CACNB2: variants seen among roughly 807,000 people sequenced by gnomAD.
CACNB2 encodes the protein calcium voltage-gated channel auxiliary subunit beta 2.
A neutral mutation model predicts 73.3 loss-of-function variants in CACNB2; 42 were observed. That is an observed-to-expected ratio of 0.57 (90% CI 0.45 to 0.74). The LOEUF is 0.74. Among genes scored for constraint, CACNB2 ranks in the 30% least tolerant of loss-of-function variants. CACNB2 has a pLI of 0.00. For missense variants in CACNB2, 940 were observed against 853.0 expected, an observed-to-expected ratio of 1.10 and a Z score of -1.27; for synonymous variants, 348 against 310.3, an observed-to-expected ratio of 1.12 and a Z score of -1.28.
intron 2 of CACNB2, among the ~76,000 whole-genome samples, chr10:18,280,982 A>G (rs1418499031): frequency 6.6e-6 from 1 of 152,240 alleles, no homozygotes; most frequent in Non-Finnish European, 1.5e-5. Flanking sequence ...CTGTACACAG[A>G]TTAGGAAACA....
intron 4 of CACNB2, 178 bp downstream of exon 4, chr10:18,498,655 T>C: frequency 1.5e-6 from 1 of 659,576 alleles, no homozygotes; most frequent in Non-Finnish European, 2.6e-6. Context: ...CCTTTTAAAG[T>C]GGAAAGAAGT....
At position 18,513,509 on chromosome 10, in the gene CACNB2, G is replaced by A. The variant is rs1165134759; in HGVS notation, c.671-727G>A. On this transcript the variant is annotated intron_variant, in intron 6 of 13. Transcript: ENST00000324631. ...TCCCTCGTCTCCTTTGCAAAGCTTC[G>A]TGAACCACCACCGCACTGTACGTTC... 5 of 316,954 alleles carry A rather than the reference G, an allele frequency of 1.6e-5. No homozygotes were observed. In the East Asian group the frequency reaches 4.0e-4, roughly 25 times the overall value. The allele number at this position is 316,954 out of a possible 1,614,324, so 19.6% of individuals were successfully genotyped here. A position where few individuals can be genotyped will look rare whatever the true frequency, so the allele number is the denominator to read the frequency against.
At chr10:18,416,439 C>A (rs1418500937) in intron 3 of CACNB2, among the ~76,000 whole-genome samples, 1 of 152,186 alleles carries the variant, frequency 6.6e-6, no homozygotes, top group Non-Finnish European at 1.5e-5. Context: ...TTTTTTGAGA[C>A]AAAGTCTCAC....
intron 2 of CACNB2, among the ~76,000 whole-genome samples, chr10:18,203,216 T>C (rs1260852811): frequency 6.6e-6 from 1 of 152,206 alleles, no homozygotes; most frequent in African/African-American, 2.4e-5. Context: ...CACAGGCAGA[T>C]GCTTGGAGAG....
intron 2 of CACNB2, among the ~76,000 whole-genome samples, chr10:18,217,579 A>T (rs2035564165): frequency 6.6e-6 from 1 of 152,028 alleles, no homozygotes; most frequent in Admixed American, 6.6e-5. Flanking sequence ...AGATGAGCAT[A>T]AGGGAAGTCA....
chr10:18,226,700 T>C (rs1441281182), intron 2 of CACNB2, among the ~76,000 whole-genome samples: 1 of 152,232 alleles, frequency 6.6e-6, no homozygotes, highest in Non-Finnish European at 1.5e-5. Context: ...GTATACTGTT[T>C]AATGGTTTAC....
chr10:18,490,594 T>C (rs544996453), intron 3 of CACNB2, among the ~76,000 whole-genome samples: 1 of 152,232 alleles, frequency 6.6e-6, no homozygotes, highest in African/African-American at 2.4e-5. Flanking sequence ...AGGATGTTAA[T>C]AGAGGTTGAG....
At chr10:18,466,463 C>G (rs1030173936) in intron 3 of CACNB2, among the ~76,000 whole-genome samples, 4 of 151,990 alleles carry the variant, frequency 2.6e-5, no homozygotes, top group Non-Finnish European at 5.9e-5. Flanking sequence ...AAACTCCTGA[C>G]CACAAGCAAT....
At chr10:18,174,732 G>A (rs1023960594) in intron 2 of CACNB2, among the ~76,000 whole-genome samples, 2 of 152,026 alleles carry the variant, frequency 1.3e-5, no homozygotes, top group African/African-American at 2.4e-5. Flanking sequence ...CTTGAGATTT[G>A]TTCTGTTCTG....
intron 3 of CACNB2, among the ~76,000 whole-genome samples, chr10:18,432,386 G>C (rs1202736173): frequency 6.6e-6 from 1 of 152,046 alleles, no homozygotes; most frequent in African/African-American, 2.4e-5. Context: ...TGGTTTCACA[G>C]ATAATCACAT....
chr10:18,306,317 C>T (rs1443767069), intron 2 of CACNB2, among the ~76,000 whole-genome samples: 2 of 152,060 alleles, frequency 1.3e-5, no homozygotes, highest in African/African-American at 2.4e-5. Context: ...AGACACAGAA[C>T]AAATTTCTGG....
intron 7 of CACNB2, among the ~76,000 whole-genome samples, chr10:18,516,111 A>G (rs940593002): frequency 6.6e-6 from 1 of 152,064 alleles, no homozygotes; most frequent in Admixed American, 6.6e-5. Context: ...GCTACTTGGG[A>G]GGCTGTGGCA....
At chr10:18,153,906 G>T (rs909897905) in intron 2 of CACNB2, among the ~76,000 whole-genome samples, 1 of 148,834 alleles carries the variant, frequency 6.7e-6, no homozygotes, top group African/African-American at 2.5e-5. Flanking sequence ...TAAGTAATTA[G>T]AAAAAATACC....
intron 3 of CACNB2, among the ~76,000 whole-genome samples, chr10:18,473,949 G>A (rs1355344343): frequency 1.3e-5 from 2 of 152,182 alleles, no homozygotes; most frequent in Admixed American, 6.5e-5. Flanking sequence ...TGCTCTCTGT[G>A]ACCTTGAGTG....
At chr10:18,211,454 T>C (rs879910698) in intron 2 of CACNB2, among the ~76,000 whole-genome samples, 3 of 152,214 alleles carry the variant, frequency 2.0e-5, no homozygotes, top group African/African-American at 4.8e-5. Flanking sequence ...ATTACATACC[T>C]ATCACCCAGC....
intron 2 of CACNB2, among the ~76,000 whole-genome samples, chr10:18,322,273 A>G (rs530576625): frequency 6.6e-6 from 1 of 152,350 alleles, no homozygotes; most frequent in Admixed American, 6.5e-5. Flanking sequence ...AATACAGCTA[A>G]TGACAAGAAT....
In CACNB2 at chr10:18,375,131, G is replaced by T. The variant is rs1037314690; in HGVS notation, c.214-26793G>T. On this transcript the variant is annotated intron_variant, in intron 2 of 13. Transcript: ENST00000324631. ...TACTCGGGAGGCAGGAAGATTGCTT[G>T]AGCCCAGGAGGTTGAGGCTACAGTG... Among the ~76,000 whole-genome samples, 9 of 152,244 alleles carry T rather than the reference G, an allele frequency of 5.9e-5. 1 individual carries two copies. The Middle Eastern group carries it at 0.02, about 345-fold the overall frequency.
intron 2 of CACNB2, among the ~76,000 whole-genome samples, chr10:18,259,424 G>C (rs2037425897): frequency 6.6e-6 from 1 of 151,418 alleles, no homozygotes; most frequent in African/African-American, 2.4e-5. Flanking sequence ...TTAAAATTAG[G>C]CTGGGCACTG....
intron 2 of CACNB2, among the ~76,000 whole-genome samples, chr10:18,386,805 A>G (rs954426698): frequency 2.6e-5 from 4 of 152,278 alleles, no homozygotes; most frequent in East Asian, 1.9e-4. Context: ...ACTGGAAGCT[A>G]TTGGAGAACA....
Sources: allele counts gnomAD v4.1 joint callset (sites outside exome capture counted in the v4.1 genomes callset), GRCh38; gene constraint gnomAD v4.1.1; transcripts MANE v1.5; gene names NCBI Gene and HGNC (gene_info 2026-07-23, HGNC 2026-07-21).